KIDINS220: variants seen among roughly 807,000 people sequenced by gnomAD.
The protein encoded by KIDINS220 is kinase D-interacting substrate of 220 kDa.
In KIDINS220, 63 loss-of-function variants were observed where a neutral mutation model predicts 157.6. The observed-to-expected ratio is 0.40, with a 90% CI of 0.33 to 0.49. The LOEUF is 0.49. Among genes scored for constraint, KIDINS220 ranks in the 20% least tolerant of loss-of-function variants. KIDINS220 has a pLI of 0.66. For missense variants in KIDINS220, 1,772 were observed against 2,171.2 expected (o/e 0.82, Z 3.65); for synonymous variants, 732 against 783.6 (o/e 0.93, Z 1.10).
At chr2:8,807,448 T>C (rs761237374) in intron 6 of KIDINS220, among the ~76,000 whole-genome samples, 8 of 152,228 alleles carry the variant, frequency 5.3e-5, no homozygotes, top group Non-Finnish European at 1.0e-4. Context: ...AATTCTGTGC[T>C]GTGAGATACA....
At chr2:8,721,449 AT>A (rs1409527829), downstream of KIDINS220, 3 of 152,230 alleles carry the variant, frequency 2.0e-5, no homozygotes, top group Non-Finnish European at 2.9e-5. Context: ...AGGAACAAAG[AT>A]GTCTGATGTT....
intron 22 of KIDINS220, among the ~76,000 whole-genome samples, chr2:8,764,522 G>A (rs1006803228): frequency 6.6e-6 from 1 of 152,228 alleles, no homozygotes; most frequent in Non-Finnish European, 1.5e-5. Context: ...AAACATTGCT[G>A]TGATTTTAGC....
At chr2:8,827,158 T>A (rs1015009719) in intron 1 of KIDINS220, 29 bp from the exon 2 acceptor site, 8 of 829,798 alleles carry the variant, frequency 9.6e-6, no homozygotes, top group Non-Finnish European at 1.5e-5. Flanking sequence ...TACACATAAT[T>A]TATAATTAGA....
At chr2:8,764,303 C>T (rs1669152619) in intron 22 of KIDINS220, among the ~76,000 whole-genome samples, 1 of 152,136 alleles carries the variant, frequency 6.6e-6, no homozygotes, top group Non-Finnish European at 1.5e-5. Flanking sequence ...ATCCACACTA[C>T]TTGGATAATG....
At chr2:8,753,652 C>A (rs574130146) in intron 22 of KIDINS220, among the ~76,000 whole-genome samples, 1 of 152,304 alleles carries the variant, frequency 6.6e-6, no homozygotes, top group South Asian at 2.1e-4. Flanking sequence ...AGCACAGTTG[C>A]AGAGGAGCAG....
chr2:8,781,153 A>ATATATATAGTATAT (rs70946383), intron 17 of KIDINS220, among the ~76,000 whole-genome samples: 1 of 130,410 alleles, frequency 7.7e-6, no homozygotes, highest in African/African-American at 2.8e-5. Context: ...ATATATATAT[A>ATATATATAGTATAT]ATATATATAT....
chr2:8,835,659 CAAAAAA>C (rs56986834), intron 1 of KIDINS220, among the ~76,000 whole-genome samples: 1 of 87,300 alleles, frequency 1.1e-5, no homozygotes, highest in East Asian at 3.3e-4. Context: ...GACCCTGTCT[CAAAAAA>C]AAAAAAAAAA....
At chr2:8,823,536 A>T (rs1186917312) in intron 2 of KIDINS220, among the ~76,000 whole-genome samples, 3 of 152,192 alleles carry the variant, frequency 2.0e-5, no homozygotes, top group Non-Finnish European at 2.9e-5. Context: ...AATTGATACA[A>T]TATTAAACTG....
At position 8,773,199 on chromosome 2, in the gene KIDINS220, A is replaced by G. The variant is rs192743691; in HGVS notation, c.2849-2367T>C. ...ATTTGATGAGACATAAAAGACAAAT[A>G]TCTCTGATTTAACAATTGGAAAGTC... On this transcript the variant is annotated intron_variant, in intron 21 of 29. Transcript: ENST00000256707. Among the ~76,000 whole-genome samples the G allele has an allele frequency of 1.2e-3, 186 of 152,360 alleles. 1 individual carries two copies. Among genetic ancestry groups the G allele is most frequent in the Admixed American group, 0.011 (167 of 15,310 alleles).
intron 24 of KIDINS220, 127 bp downstream of exon 24, chr2:8,749,985 A>T: frequency 1.4e-6 from 1 of 723,680 alleles, no homozygotes; most frequent in Non-Finnish European, 2.2e-6. Flanking sequence ...TTTTACATTC[A>T]AACTTTACAT....
chr2:8,822,286 A>C (rs991406358), intron 2 of KIDINS220, among the ~76,000 whole-genome samples: 3 of 152,162 alleles, frequency 2.0e-5, no homozygotes, highest in Admixed American at 6.5e-5. Context: ...AACCACAGTG[A>C]AACTAAAACA....
intron 22 of KIDINS220, among the ~76,000 whole-genome samples, chr2:8,762,468 T>C (rs184098023): frequency 4.1e-4 from 63 of 152,298 alleles, no homozygotes; most frequent in African/African-American, 1.5e-3. Flanking sequence ...CTGGGCACGG[T>C]GGCTCATGCC....
intron 22 of KIDINS220, among the ~76,000 whole-genome samples, chr2:8,752,205 C>T (rs1224579134): frequency 6.6e-6 from 1 of 152,006 alleles, no homozygotes; most frequent in Non-Finnish European, 1.5e-5. Flanking sequence ...TTTTTCTATA[C>T]AGACGAGATT....
intron 22 of KIDINS220, among the ~76,000 whole-genome samples, chr2:8,765,438 CAGGA>C (rs762614602): frequency 3.3e-5 from 5 of 152,050 alleles, no homozygotes; most frequent in Non-Finnish European, 7.4e-5. Flanking sequence ...TGGCAAGAAA[CAGGA>C]AGGAAGGCAG....
intron 28 of KIDINS220, among the ~76,000 whole-genome samples, chr2:8,734,013 G>A (rs962176141): frequency 4.6e-5 from 7 of 152,188 alleles, no homozygotes; most frequent in Admixed American, 3.3e-4. Flanking sequence ...AGGGCGGTAG[G>A]TCCAGATTTT....
rs2148401817 is a variant in KIDINS220, at chr2:8,818,804, T to C, written c.109-11A>G. Reference sequence around the variant, plus strand: ...TGGAGTCTGGCCACACTAGAGAATATAAAAGACAAAGGGAACTTATCAAGT... The same window carrying C: ...TGGAGTCTGGCCACACTAGAGAATACAAAAGACAAAGGGAACTTATCAAGT... On this transcript the variant is annotated splice_polypyrimidine_tract_variant and intron_variant, in intron 2 of 29. Transcript: ENST00000256707. 2 of 1,523,684 alleles carry C rather than the reference T, an allele frequency of 1.3e-6. No individual in the cohort carries two copies. The highest frequency in any genetic ancestry group is 9.0e-7 in the Non-Finnish European group (1 of 1,114,150). 94.4% of individuals were successfully genotyped at this position (1,523,684 alleles called of 1,614,324 possible).
chr2:8,744,612 A>G (rs887291722), intron 26 of KIDINS220, among the ~76,000 whole-genome samples: 11 of 151,330 alleles, frequency 7.3e-5, no homozygotes, highest in Non-Finnish European at 1.5e-4. Context: ...GATGGGACCA[A>G]TGGGAAATCC....
intron 17 of KIDINS220, 57 bp downstream of exon 17, chr2:8,785,684 A>G (rs1672299697): frequency 7.0e-7 from 1 of 1,433,140 alleles, no homozygotes; most frequent in African/African-American, 1.4e-5. Context: ...CCAAATGAGC[A>G]TGGCAGTGGC....
At chr2:8,824,423 G>A (rs1231755240) in intron 2 of KIDINS220, among the ~76,000 whole-genome samples, 1 of 152,206 alleles carries the variant, frequency 6.6e-6, no homozygotes, top group South Asian at 2.1e-4. Flanking sequence ...CCTCACGCCT[G>A]TAATCCCAGG....
Sources: allele counts gnomAD v4.1 joint callset (sites outside exome capture counted in the v4.1 genomes callset), GRCh38; gene constraint gnomAD v4.1.1; transcripts MANE v1.5; gene names NCBI Gene and HGNC (gene_info 2026-07-23, HGNC 2026-07-21).